RAB3IL1: variants seen among roughly 807,000 people sequenced by gnomAD.
The protein encoded by RAB3IL1 is guanine nucleotide exchange factor for Rab-3A.
RAB3IL1 carries 37 observed loss-of-function variants against 49.2 expected under a neutral mutation model. The observed-to-expected ratio is 0.75, with a 90% CI of 0.58 to 0.99. The LOEUF is 0.99. RAB3IL1 is among the 50% of genes least tolerant of loss of function. RAB3IL1 has a pLI of 0.00. For synonymous variants in RAB3IL1, 193 were observed against 213.9 expected (o/e 0.90, Z 0.85); for missense variants, 484 against 513.0 (o/e 0.94, Z 0.55).
At chr11:61,899,289 G>T (rs780978892) in intron 9 of RAB3IL1, 25 bp downstream of exon 9, 1 of 1,598,198 alleles carries the variant, frequency 6.3e-7, no homozygotes, top group South Asian at 1.1e-5. Flanking sequence ...TGCGATCCCT[G>T]CACCGGCCAC....
upstream of RAB3IL1, chr11:61,917,575 G>C (rs1939762297): frequency 1.9e-6 from 2 of 1,077,354 alleles, no homozygotes; most frequent in South Asian, 9.0e-5. Context: ...ACGTGGCGGA[G>C]GGGGGAGCGG....
In RAB3IL1 at chr11:61,908,125, G is replaced by A. The variant is rs747073821; in HGVS notation, c.193C>T (p.Arg65Cys). 3.1e-6 allele frequency: 5 copies of A among 1,605,914 alleles called. No homozygotes were observed. The highest frequency in any genetic ancestry group is 2.3e-5 in the East Asian group (1 of 44,346). ...AAAQLDVLRL[R>C]SSSMEIREKG... is the part of the protein sequence containing the mutation. ...TCTCGGATCTCCATGGAAGAGCTGC[G>A]CAGGCGCAACACGTCCAGCTGGGCG... Residue 65 changes from arginine to cysteine, a missense_variant, in exon 2 of 10, where the codon CGC becomes TGC. By Grantham distance (180) the Arg-to-Cys change is radical. Coordinates refer to ENST00000394836, the MANE Select transcript of RAB3IL1 (RefSeq NM_013401.4).
the RAB3IL1 span, among the ~76,000 whole-genome samples, chr11:61,929,678 T>C: frequency 6.6e-6 from 1 of 150,438 alleles, no homozygotes; most frequent in Non-Finnish European, 1.5e-5. Flanking sequence ...CTCTGCCTCC[T>C]GGGTTCAAGC....
chr11:61,933,022 G>A, the RAB3IL1 span, among the ~76,000 whole-genome samples: 2 of 152,266 alleles, frequency 1.3e-5, no homozygotes, highest in South Asian at 4.1e-4. Flanking sequence ...GCCTGCCTCA[G>A]CCTCCCAAAG....
intron 1 of RAB3IL1, among the ~76,000 whole-genome samples, chr11:61,914,359 G>A (rs1194763061): frequency 2.6e-5 from 4 of 152,212 alleles, no homozygotes; most frequent in African/African-American, 4.8e-5. Context: ...GATGAGCCCC[G>A]TCTCTGGGGA....
the RAB3IL1 span, among the ~76,000 whole-genome samples, chr11:61,927,319 A>C: frequency 6.6e-6 from 1 of 152,166 alleles, no homozygotes; most frequent in East Asian, 1.9e-4. Flanking sequence ...CAGAACAGCG[A>C]GCCAGAGAAA....
In RAB3IL1 at chr11:61,917,541, C is replaced by T. The variant is rs1939759158; in HGVS notation, c.-174G>A. The T allele has an allele frequency of 1.8e-6, 2 of 1,109,310 alleles. No homozygotes were observed. The highest frequency in any genetic ancestry group is 2.2e-6 in the Non-Finnish European group (2 of 911,178). 68.7% of individuals were successfully genotyped at this position (1,109,310 alleles called of 1,614,324 possible). On this transcript the variant is annotated 5_prime_UTR_variant, in exon 1 of 10. Coordinates refer to ENST00000394836, the MANE Select transcript of RAB3IL1 (RefSeq NM_013401.4). ...CCTGGGCTCGCGGCCCCCAGCCCAG[C>T]CCCGACCCTGCCCTGGGCGGGTCAC... is the stretch of plus-strand genomic sequence containing the variant.
chr11:61,916,415 T>A (rs1939690070), intron 1 of RAB3IL1, among the ~76,000 whole-genome samples: 1 of 151,636 alleles, frequency 6.6e-6, no homozygotes, highest in African/African-American at 2.4e-5. Context: ...CCACACCCCC[T>A]GCTGGGGATG....
chr11:61,907,924 C>A, intron 2 of RAB3IL1, 130 bp downstream of exon 2: 1 of 1,398,174 alleles, frequency 7.2e-7, no homozygotes, highest in Non-Finnish European at 9.6e-7. Context: ...CAGGCCTGGC[C>A]AGCAGCTGGC....
chr11:61,943,521 TA>T, the RAB3IL1 span, among the ~76,000 whole-genome samples: 3 of 152,064 alleles, frequency 2.0e-5, no homozygotes, highest in Non-Finnish European at 1.5e-5. Context: ...CTCAAGAAAG[TA>T]AAAAAGATGA....
upstream of RAB3IL1, among the ~76,000 whole-genome samples, chr11:61,918,789 C>T (rs78920816): frequency 3.3e-3 from 506 of 152,360 alleles, 2 homozygotes; most frequent in African/African-American, 0.011. Context: ...CCTTGGCCAG[C>T]ACTTTGTGCA....
At chr11:61,907,287 A>C (rs1939238114) in intron 4 of RAB3IL1, 106 bp downstream of exon 4, 2 of 1,219,812 alleles carry the variant, frequency 1.6e-6, no homozygotes, top group Non-Finnish European at 2.3e-6. Flanking sequence ...TGCTGGCCCC[A>C]CCGGGCCAGG....
the RAB3IL1 span, among the ~76,000 whole-genome samples, chr11:61,934,456 A>ATGTG: frequency 5.2e-5 from 1 of 19,190 alleles, no homozygotes; most frequent in African/African-American, 1.7e-4. Context: ...GTATGTATAT[A>ATGTG]TATATATATA....
intron 1 of RAB3IL1, among the ~76,000 whole-genome samples, chr11:61,915,572 G>A (rs990207509): frequency 1.3e-5 from 2 of 152,190 alleles, no homozygotes; most frequent in South Asian, 4.1e-4. Context: ...ACAAGACACA[G>A]GCTTCCGGCA....
the RAB3IL1 span, among the ~76,000 whole-genome samples, chr11:61,941,770 A>G: frequency 6.6e-6 from 1 of 151,864 alleles, no homozygotes; most frequent in Non-Finnish European, 1.5e-5. Flanking sequence ...GAAGGAATAT[A>G]CGGACCAATA....
chr11:61,932,000 C>G, the RAB3IL1 span, among the ~76,000 whole-genome samples: 3 of 152,138 alleles, frequency 2.0e-5, no homozygotes, highest in Non-Finnish European at 2.9e-5. Flanking sequence ...ACCTGTAATC[C>G]AAGCACTTTG....
At chr11:61,943,697 A>T in the RAB3IL1 span, among the ~76,000 whole-genome samples, 5 of 152,250 alleles carry the variant, frequency 3.3e-5, no homozygotes, top group African/African-American at 1.2e-4. Flanking sequence ...ACAAACAGCC[A>T]ATAAGCACAT....
chr11:61,911,900 C>G (rs1001512836), intron 1 of RAB3IL1, among the ~76,000 whole-genome samples: 1 of 152,134 alleles, frequency 6.6e-6, no homozygotes, highest in African/African-American at 2.4e-5. Context: ...ACCAGGCCCA[C>G]CCTAGGAGGG....
Position 61,906,415 on chromosome 11 carries a change from C to A in RAB3IL1, c.657+51G>T. ...CTCACTGGGCTCGGACCCTGCCTACCGCAGGCACTGCCACCCTTCCCCGTG... is the reference window on the plus strand; with the variant it reads ...CTCACTGGGCTCGGACCCTGCCTACAGCAGGCACTGCCACCCTTCCCCGTG... On this transcript the variant is annotated intron_variant, in intron 5 of 9. Coordinates refer to ENST00000394836, the MANE Select transcript of RAB3IL1 (RefSeq NM_013401.4). The surrounding 1 kb of genome is among the most constrained non-coding windows in gnomAD (Gnocchi z 4.6). 1 of 1,481,296 alleles carries A rather than the reference C, an allele frequency of 6.8e-7. No individual in the cohort carries two copies. The highest frequency in any genetic ancestry group is 9.1e-7 in the Non-Finnish European group (1 of 1,097,492). The allele number at this position is 1,481,296 out of a possible 1,614,324, so 91.8% of individuals were successfully genotyped here. A position where few individuals can be genotyped will look rare whatever the true frequency, so the allele number is the denominator to read the frequency against.
Sources: allele counts gnomAD v4.1 joint callset (sites outside exome capture counted in the v4.1 genomes callset), GRCh38; gene constraint gnomAD v4.1.1; non-coding constraint Gnocchi (gnomAD v3.1); transcripts MANE v1.5; gene names NCBI Gene and HGNC (gene_info 2026-07-23, HGNC 2026-07-21).